Variants in DAB1 observed in about 807,000 individuals in gnomAD.
DAB1 encodes the protein DAB adaptor protein 1, also known as disabled homolog 1.
In DAB1, 15 loss-of-function variants were observed where a neutral mutation model predicts 64.6. The ratio of observed to expected loss-of-function variants is 0.23; its 90% CI spans 0.16 to 0.36. The LOEUF (loss-of-function observed/expected upper bound fraction) is 0.36. DAB1 is among the 10% of genes least tolerant of loss of function. The pLI, the probability that DAB1 is intolerant of heterozygous loss-of-function variation, is 1.00. For synonymous variants in DAB1, 235 were observed against 251.9 expected (o/e 0.93, Z 0.64); for missense variants, 596 against 706.7 (o/e 0.84, Z 1.78).
chr1:57,567,555 A>G (rs1376687678), intron 7 of DAB1, among the ~76,000 whole-genome samples: 1 of 152,234 alleles, frequency 6.6e-6, no homozygotes, highest in Non-Finnish European at 1.5e-5. Flanking sequence ...AATCTCCTTA[A>G]GCTGATAAGC....
At chr1:57,760,675 G>A (rs1476464162) in intron 6 of DAB1, among the ~76,000 whole-genome samples, 1 of 149,770 alleles carries the variant, frequency 6.7e-6, no homozygotes, top group African/African-American at 2.5e-5. Context: ...CACACATACT[G>A]CACCAAAAAG....
chr1:57,328,369 A>C (rs552289568), intron 1 of DAB1, among the ~76,000 whole-genome samples: 1 of 152,204 alleles, frequency 6.6e-6, no homozygotes, highest in Non-Finnish European at 1.5e-5. Context: ...TACTCAAAGA[A>C]CCCTGAGACC....
intron 4 of DAB1, among the ~76,000 whole-genome samples, chr1:58,167,946 T>A (rs1465805153): frequency 1.3e-5 from 2 of 152,210 alleles, no homozygotes; most frequent in Non-Finnish European, 2.9e-5. Flanking sequence ...AGCTTCATTC[T>A]TGAAGTCAGC....
At chr1:57,215,801 T>A (rs962483163) in intron 2 of DAB1, among the ~76,000 whole-genome samples, 5 of 152,182 alleles carry the variant, frequency 3.3e-5, no homozygotes, top group Non-Finnish European at 7.3e-5. Context: ...TTCAGACTGG[T>A]GCTATGGAAT....
At chr1:57,139,050 T>C (rs1422018814) in intron 3 of DAB1, among the ~76,000 whole-genome samples, 1 of 152,120 alleles carries the variant, frequency 6.6e-6, no homozygotes, top group Non-Finnish European at 1.5e-5. Flanking sequence ...TAATACATGT[T>C]ACTATCCCTT....
At chr1:57,422,982 C>T (rs987161843) in intron 1 of DAB1, among the ~76,000 whole-genome samples, 1 of 152,078 alleles carries the variant, frequency 6.6e-6, no homozygotes, top group Non-Finnish European at 1.5e-5. Flanking sequence ...GCTGCAGCAG[C>T]CACCCTGGTT....
chr1:58,391,414 G>A (rs1000186024), intron 3 of DAB1, among the ~76,000 whole-genome samples: 1 of 152,220 alleles, frequency 6.6e-6, no homozygotes, highest in Non-Finnish European at 1.5e-5. Context: ...ACAGGGCAGA[G>A]GAGGAGGGAG....
intron 2 of DAB1, among the ~76,000 whole-genome samples, chr1:57,261,419 C>A (rs1163904299): frequency 6.6e-6 from 1 of 152,156 alleles, no homozygotes; most frequent in Non-Finnish European, 1.5e-5. Context: ...CATGGTTGAC[C>A]CCTTACCATT....
intron 2 of DAB1, among the ~76,000 whole-genome samples, chr1:57,158,478 C>T (rs986178618): frequency 7.2e-5 from 11 of 152,120 alleles, no homozygotes; most frequent in South Asian, 2.1e-4. Flanking sequence ...AAGAAAATTT[C>T]GAAAGGTTGT....
At chr1:57,773,874 A>G (rs540546219) in intron 6 of DAB1, among the ~76,000 whole-genome samples, 4 of 152,136 alleles carry the variant, frequency 2.6e-5, no homozygotes, top group African/African-American at 7.2e-5. Context: ...GCTTACATCA[A>G]TTCTATTATG....
At position 57,461,943 on chromosome 1, in the gene DAB1, CTTTTTTTTTT is replaced by C. The variant is rs545743407; in HGVS notation, n.626-170787_626-170778del. 4.0e-4 allele frequency among the ~76,000 whole-genome samples: 40 copies of C among 100,342 alleles called. 1 individual carries two copies. Among genetic ancestry groups the C allele is most frequent in the East Asian group, 3.6e-3 (12 of 3,292 alleles). The allele number at this position is 100,342 out of a possible 152,430, so 65.8% of individuals were successfully genotyped here. A position where few individuals can be genotyped will look rare whatever the true frequency, so the allele number is the denominator to read the frequency against. ...GAATACATAAAGGATAAGATATACTCTTTTTTTTTTTTTTTTTTTTTTTTTTTTACACAAA... is the reference window on the plus strand; with the variant it reads ...GAATACATAAAGGATAAGATATACTCTTTTTTTTTTTTTTTTTTACACAAA... On this transcript the variant is annotated intron_variant and non_coding_transcript_variant, in intron 7 of 20. Coordinates refer to the DAB1 transcript ENST00000485760.
chr1:57,523,467 C>T (rs572776783), intron 7 of DAB1, among the ~76,000 whole-genome samples: 2 of 152,206 alleles, frequency 1.3e-5, no homozygotes, highest in Non-Finnish European at 1.5e-5. Flanking sequence ...AGCCAATGAG[C>T]AGCTGACATT....
chr1:58,375,435 T>A lies in DAB1; in HGVS notation n.258-32032A>T, dbSNP rs1250434818. On this transcript the variant is annotated intron_variant and non_coding_transcript_variant, in intron 3 of 20. Transcript: ENST00000485760. ...AAGGCTTTTTCTGCATCTATTGAGA[T>A]AATCATGTGGTTTTTGTCTTTGGTT... is the stretch of plus-strand genomic sequence containing the variant. Among the ~76,000 whole-genome samples the A allele has an allele frequency of 8.1e-3, 1,095 of 135,412 alleles. 28 individuals are homozygous for A. The highest frequency in any genetic ancestry group is 0.029 in the African/African-American group (1,034 of 35,380). 88.8% of individuals were successfully genotyped at this position (135,412 alleles called of 152,430 possible).
At chr1:57,977,007 C>A (rs566514302) in intron 5 of DAB1, among the ~76,000 whole-genome samples, 1 of 152,306 alleles carries the variant, frequency 6.6e-6, no homozygotes, top group East Asian at 1.9e-4. Context: ...CTCTCCCAAT[C>A]ACCAGAAATG....
At chr1:58,525,680 C>T (rs928066840) in intron 2 of DAB1, among the ~76,000 whole-genome samples, 1 of 152,072 alleles carries the variant, frequency 6.6e-6, no homozygotes, top group African/African-American at 2.4e-5. Context: ...CCAATCAAAA[C>T]CCCATGTGTT....
At chr1:58,537,544 T>A (rs1264603175) in intron 1 of DAB1, among the ~76,000 whole-genome samples, 8 of 148,520 alleles carry the variant, frequency 5.4e-5, no homozygotes, top group African/African-American at 2.0e-4. Context: ...AACAATACTC[T>A]CTGCCACTTA....
rs569371879 is a variant in DAB1, at chr1:57,883,808, C to T, written n.87+191G>A. Among the ~76,000 whole-genome samples the T allele has an allele frequency of 2.0e-5, 3 of 152,324 alleles. No homozygotes were observed. In the East Asian group the frequency reaches 5.8e-4, roughly 29 times the overall value. On this transcript the variant is annotated intron_variant and non_coding_transcript_variant, in intron 1 of 1. Transcript: ENST00000477280. ...AGTTCTTAGATTCCGCTGGCTACCG[C>T]CTCATTGAATAAGTCAGTGATTAAA...
intron 4 of DAB1, among the ~76,000 whole-genome samples, chr1:58,226,783 T>C (rs1325021769): frequency 6.6e-6 from 1 of 152,156 alleles, no homozygotes; most frequent in Admixed American, 6.6e-5. Flanking sequence ...GGAGGTGAAA[T>C]AGCTTACTCT....
intron 2 of DAB1, among the ~76,000 whole-genome samples, chr1:57,261,391 T>C (rs1670172166): frequency 6.6e-6 from 1 of 152,164 alleles, no homozygotes; most frequent in Non-Finnish European, 1.5e-5. Context: ...CTCGCCCCAA[T>C]CCACTTCGCC....
Sources: gnomAD v4.1 joint callset for allele counts (sites outside exome capture counted in the v4.1 genomes callset) on GRCh38, gnomAD v4.1.1 for gene constraint, MANE v1.5 for transcripts, NCBI Gene and HGNC (gene_info 2026-07-23, HGNC 2026-07-21) for gene names.